SLC35A3: variants seen among roughly 807,000 people sequenced by gnomAD.
The protein encoded by SLC35A3 is solute carrier family 35 member A3.
SLC35A3 carries 26 observed loss-of-function variants against 39.0 expected under a neutral mutation model. The ratio of observed to expected loss-of-function variants is 0.67; its 90% CI spans 0.49 to 0.92. The LOEUF is 0.92. Ranked by LOEUF, SLC35A3 falls within the 40% of genes least tolerant of loss-of-function variation. The pLI, the probability that SLC35A3 is intolerant of heterozygous loss-of-function variation, is 0.00. For missense variants in SLC35A3, 299 were observed against 371.6 expected, an observed-to-expected ratio of 0.80 and a Z score of 1.61; for synonymous variants, 135 against 133.1, an observed-to-expected ratio of 1.01 and a Z score of -0.10.
intron 4 of SLC35A3, chr1:100,008,469 C>G (rs1455544120): frequency 6.6e-6 from 1 of 152,144 alleles, no homozygotes; most frequent in East Asian, 1.9e-4. Context: ...GGAACACAGA[C>G]CTATAGGATA....
intron 1 of SLC35A3, among the ~76,000 whole-genome samples, chr1:99,980,173 C>A (rs1257857581): frequency 6.7e-6 from 1 of 148,314 alleles, no homozygotes; most frequent in Non-Finnish European, 1.5e-5. Context: ...TTTTTTACTT[C>A]TATCCCCAAT....
chr1:99,994,178 T>C (rs1377580965), intron 2 of SLC35A3, among the ~76,000 whole-genome samples: 1 of 152,144 alleles, frequency 6.6e-6, no homozygotes, highest in Non-Finnish European at 1.5e-5. Flanking sequence ...GTGTTTAAAG[T>C]ATATTATTTA....
chr1:100,017,177 A>C (rs1164191836), intron 6 of SLC35A3, among the ~76,000 whole-genome samples: 1 of 152,214 alleles, frequency 6.6e-6, no homozygotes, highest in East Asian at 1.9e-4. Context: ...ACAGTCTTAA[A>C]GAAAAAGCAC....
intron 1 of SLC35A3, among the ~76,000 whole-genome samples, chr1:99,992,238 A>G (rs1658133286): frequency 6.6e-6 from 1 of 151,984 alleles, no homozygotes; most frequent in African/African-American, 2.4e-5. Context: ...ATGTATTTTG[A>G]AGGTATGTTA....
At chr1:100,009,985 A>G (rs569670555) in intron 4 of SLC35A3, among the ~76,000 whole-genome samples, 189 of 152,268 alleles carry the variant, frequency 1.2e-3, no homozygotes, top group Non-Finnish European at 2.4e-3. Context: ...CCTATAAACT[A>G]TGCTGTAGAA....
intron 1 of SLC35A3, among the ~76,000 whole-genome samples, chr1:99,988,277 TA>T (rs1657865866): frequency 6.6e-6 from 1 of 152,228 alleles, no homozygotes; most frequent in South Asian, 2.1e-4. Flanking sequence ...AATGGAAAGA[TA>T]AAGTATACAG....
At chr1:100,020,258 AACAGGTGTTTCCTGAC>A (rs1660444535) in intron 7 of SLC35A3, among the ~76,000 whole-genome samples, 2 of 152,130 alleles carry the variant, frequency 1.3e-5, no homozygotes, top group South Asian at 4.1e-4. Context: ...TGGCTTGAGA[AACAGGTGTTTCCTGAC>A]ATGATTAGGT....
At chr1:99,992,564 T>G (rs1420038432) in intron 1 of SLC35A3, among the ~76,000 whole-genome samples, 1 of 152,144 alleles carries the variant, frequency 6.6e-6, no homozygotes, top group Non-Finnish European at 1.5e-5. Context: ...TATGAACTCT[T>G]GTACTATTTT....
At chr1:99,990,449 T>A (rs764621063) in intron 1 of SLC35A3, among the ~76,000 whole-genome samples, 38 of 151,940 alleles carry the variant, frequency 2.5e-4, no homozygotes, top group Non-Finnish European at 4.3e-4. Context: ...TGGCGTGTGC[T>A]TGTAATTCCA....
chr1:99,993,760 T>G lies in SLC35A3; in HGVS notation c.187+19T>G. Reference sequence around the variant, plus strand: ...GACAGCAGTAGGTATCTAGGTTTTTTGTTTTTAATCAATGCAATTTATTTA... The same window carrying G: ...GACAGCAGTAGGTATCTAGGTTTTTGGTTTTTAATCAATGCAATTTATTTA... On this transcript the variant is annotated intron_variant, in intron 2 of 7. Coordinates refer to ENST00000533028, the MANE Select transcript of SLC35A3 (RefSeq NM_012243.3). 6.2e-7 allele frequency: 1 copy of G among 1,607,362 alleles called. No individual in the cohort carries two copies. The highest frequency in any genetic ancestry group is 8.5e-7 in the Non-Finnish European group (1 of 1,176,638).
At chr1:100,000,154 G>T (rs996422856) in intron 3 of SLC35A3, among the ~76,000 whole-genome samples, 2 of 151,996 alleles carry the variant, frequency 1.3e-5, no homozygotes, top group African/African-American at 4.8e-5. Context: ...AGAATGCTTT[G>T]TACTGTTTTC....
rs775651587 is a variant in SLC35A3 at position 99,999,351 on chromosome 1, T to C, written c.278T>C (p.Ile93Thr). ...CTTAAACTTGCTATTCCATCAGGGA[T>C]CTATACTCTTCAGAATAATTTACTG... ...ETLKLAIPSG[I>T]YTLQNNLLYV... The change falls in exon 3 of 8, where the codon ATC becomes ACC. Residue 93 changes from isoleucine (I) to threonine (T), a missense_variant. Coordinates refer to ENST00000533028, the MANE Select transcript of SLC35A3 (RefSeq NM_012243.3). The C allele has an allele frequency of 5.0e-6, 8 of 1,599,452 alleles. No individual in the cohort carries two copies. In the South Asian group the frequency reaches 9.0e-5, roughly 18 times the overall value.
intron 6 of SLC35A3, among the ~76,000 whole-genome samples, chr1:100,017,098 G>A (rs1470455389): frequency 1.3e-5 from 2 of 152,212 alleles, no homozygotes; most frequent in East Asian, 3.8e-4. Flanking sequence ...AAACTGTGTA[G>A]TATAGTAAAA....
chr1:100,013,446 A>C lies in SLC35A3; in HGVS notation c.635-1856A>C, dbSNP rs1659825220. Among the ~76,000 whole-genome samples, 3 of 127,158 alleles carry C rather than the reference A, an allele frequency of 2.4e-5. No homozygotes were observed. The South Asian group carries it at 7.0e-4, about 30-fold the overall frequency. 83.4% of individuals were successfully genotyped at this position (127,158 alleles called of 152,430 possible). On this transcript the variant is annotated intron_variant, in intron 5 of 7. Transcript: ENST00000533028. ...TGAGCAACACTACAAAACTCTGTAC[A>C]AAAAAAAAAAAAAAAAATTAGCTGG...
chr1:100,034,398 T>C lies in SLC35A3; in HGVS notation c.*11922T>C, dbSNP rs535015001. ...CATCTTACTATTGAGTTTAAAAATT[T>C]TTATTTGCTGTGTTCTTTTATATGT... is the stretch of plus-strand genomic sequence containing the variant. On this transcript the variant is annotated 3_prime_UTR_variant, in exon 8 of 8. Coordinates refer to ENST00000533028, the MANE Select transcript of SLC35A3 (RefSeq NM_012243.3). 1 of 152,324 alleles carries C rather than the reference T, an allele frequency of 6.6e-6. No homozygotes were observed. Among genetic ancestry groups the C allele is most frequent in the East Asian group, 1.9e-4 (1 of 5,194 alleles). The allele number at this position is 152,324 out of a possible 1,614,324, so 9.4% of individuals were successfully genotyped here.
chr1:99,986,165 C>CTTT (rs199503957), intron 1 of SLC35A3, among the ~76,000 whole-genome samples: 4 of 137,994 alleles, frequency 2.9e-5, no homozygotes, highest in African/African-American at 8.0e-5. Flanking sequence ...ATATATTCTA[C>CTTT]TTTTTTTTTT....
intron 1 of SLC35A3, chr1:99,974,989 G>A (rs1657029998): frequency 6.6e-6 from 1 of 151,470 alleles, no homozygotes; most frequent in South Asian, 2.1e-4. Context: ...TGTCACCTTG[G>A]CTGGAGTACA....
intron 1 of SLC35A3, among the ~76,000 whole-genome samples, chr1:99,991,751 T>C (rs1253532536): frequency 6.6e-6 from 1 of 152,152 alleles, no homozygotes; most frequent in Non-Finnish European, 1.5e-5. Flanking sequence ...AAGTAAGATC[T>C]GATAGATCTT....
intron 1 of SLC35A3, among the ~76,000 whole-genome samples, chr1:99,972,145 C>T (rs562730052): frequency 3.2e-4 from 48 of 152,148 alleles, no homozygotes; most frequent in Non-Finnish European, 5.7e-4. Flanking sequence ...AGGTGATCCA[C>T]CTGCCTCGAC....
Sources: allele counts gnomAD v4.1 joint callset (sites outside exome capture counted in the v4.1 genomes callset), GRCh38; gene constraint gnomAD v4.1.1; transcripts MANE v1.5; gene names NCBI Gene and HGNC (gene_info 2026-07-23, HGNC 2026-07-21).